SEZ6L: variants seen among roughly 807,000 people sequenced by gnomAD.
The protein encoded by SEZ6L is seizure related 6 homolog like.
SEZ6L carries 37 observed loss-of-function variants against 106.2 expected under a neutral mutation model. The observed-to-expected ratio is 0.35, with a 90% CI of 0.27 to 0.46. The LOEUF is 0.46. SEZ6L is among the 20% of genes least tolerant of loss of function. The pLI is 1.00. For synonymous variants in SEZ6L, 541 were observed against 570.4 expected (o/e 0.95, Z 0.73); for missense variants, 1,172 against 1,332.8 (o/e 0.88, Z 1.88).
At chr22:26,297,114 G>C in intron 4 of SEZ6L, 34 bp downstream of exon 4, 2 of 1,494,096 alleles carry the variant, frequency 1.3e-6, no homozygotes, top group Non-Finnish European at 1.8e-6. Context: ...AAACATAGGC[G>C]TTTGCCTCAG....
In SEZ6L at chr22:26,299,167, C is replaced by T. The variant is rs1569452328; in HGVS notation, c.1346C>T (p.Ser449Leu). 2 of 1,505,994 alleles carry T rather than the reference C, an allele frequency of 1.3e-6. No homozygotes were observed. Among genetic ancestry groups the T allele is most frequent in the South Asian group, 1.3e-5 (1 of 74,950 alleles). 93.3% of individuals were successfully genotyped at this position (1,505,994 alleles called of 1,614,324 possible). ...PHWSSQEPIC[S>L]APCGGAVHNA... ...TGGAGCAGCCAGGAGCCCATCTGCT[C>T]AGGTATGCTCCAGCCTCAGCCGGAC... Residue 449 changes from serine (S) to leucine (L), a missense_variant and splice_region_variant, in exon 5 of 17, where the codon TCA becomes TTA. Physicochemically the swap from Ser to Leu is moderately radical, Grantham distance 145. Transcript: ENST00000248933.
intron 9 of SEZ6L, among the ~76,000 whole-genome samples, chr22:26,315,188 AG>A (rs2081962622): frequency 6.6e-6 from 1 of 152,240 alleles, no homozygotes; most frequent in African/African-American, 2.4e-5. Context: ...AGACACAGCA[AG>A]TGTCCTTAGT....
intron 10 of SEZ6L, among the ~76,000 whole-genome samples, chr22:26,342,062 C>T (rs1280587031): frequency 6.6e-6 from 1 of 152,212 alleles, no homozygotes; most frequent in African/African-American, 2.4e-5. Context: ...GCTTCCTCAT[C>T]CCTAGCTCCA....
intron 1 of SEZ6L, among the ~76,000 whole-genome samples, chr22:26,235,575 A>G (rs2078932608): frequency 6.6e-6 from 1 of 152,148 alleles, no homozygotes; most frequent in African/African-American, 2.4e-5. Context: ...ATATGGACAC[A>G]TTCCAGGAAG....
rs780374529 is a variant in SEZ6L, at chr22:26,306,069, T to C, written c.1439T>C (p.Ile480Thr). 13 of 1,613,656 alleles carry C rather than the reference T, an allele frequency of 8.1e-6. No homozygotes were observed. The Admixed American group carries it at 2.0e-4, about 25-fold the overall frequency. The change falls in exon 6 of 17, where the codon ATC becomes ACC. Residue 480 changes from isoleucine (I) to threonine (T), a missense_variant. Coordinates refer to ENST00000248933, the MANE Select transcript of SEZ6L (RefSeq NM_021115.5). ...PENTNGSQFC[I>T]WTIEAPEGQK... ...AACACAAATGGGAGCCAATTCTGCA[T>C]CTGGACGATTGAAGCTCCAGAGGGC...
chr22:26,277,105 C>CTTTT (rs137189), intron 1 of SEZ6L, among the ~76,000 whole-genome samples: 2 of 143,394 alleles, frequency 1.4e-5, no homozygotes. Flanking sequence ...AACACTGAGT[C>CTTTT]TTTTTTTTTT....
intron 12 of SEZ6L, among the ~76,000 whole-genome samples, chr22:26,352,510 C>T (rs185830499): frequency 2.6e-5 from 4 of 152,298 alleles, no homozygotes; most frequent in Admixed American, 2.6e-4. Flanking sequence ...ACACTGTGTA[C>T]AATTTATAGA....
chr22:26,282,337 A>C (rs1035180165), intron 1 of SEZ6L, among the ~76,000 whole-genome samples: 2 of 152,246 alleles, frequency 1.3e-5, no homozygotes, highest in African/African-American at 4.8e-5. Flanking sequence ...AACACTTTGC[A>C]ACACCCTAGT....
At chr22:26,370,462 C>T (rs964843202) in intron 13 of SEZ6L, among the ~76,000 whole-genome samples, 1 of 152,140 alleles carries the variant, frequency 6.6e-6, no homozygotes, top group South Asian at 2.1e-4. Context: ...GTGTTTGTAT[C>T]TGCCACGGTA....
At chr22:26,220,092 A>G in intron 1 of SEZ6L, among the ~76,000 whole-genome samples, 1 of 152,150 alleles carries the variant, frequency 6.6e-6, no homozygotes, top group East Asian at 1.9e-4. Context: ...CAGATGTGGG[A>G]GTCTGATAGC....
At chr22:26,311,194 C>G (rs79631268) in intron 7 of SEZ6L, among the ~76,000 whole-genome samples, 2,444 of 152,254 alleles carry the variant, frequency 0.016, 61 homozygotes, top group African/African-American at 0.056. Flanking sequence ...CACCAGTGAA[C>G]AAGGGTGGAG....
At chr22:26,320,286 C>T (rs1313241404) in intron 9 of SEZ6L, among the ~76,000 whole-genome samples, 3 of 151,908 alleles carry the variant, frequency 2.0e-5, no homozygotes, top group East Asian at 3.9e-4. Flanking sequence ...ATCATTCTCC[C>T]GGGTGTTCTG....
chr22:26,364,686 C>A (rs1028975259), intron 12 of SEZ6L: 2 of 152,446 alleles, frequency 1.3e-5, no homozygotes, highest in African/African-American at 4.8e-5. Flanking sequence ...AGGCCCTGAG[C>A]TTCAGGCTTG....
At chr22:26,270,099 A>G (rs1030055050) in intron 1 of SEZ6L, among the ~76,000 whole-genome samples, 4 of 152,196 alleles carry the variant, frequency 2.6e-5, no homozygotes, top group East Asian at 1.9e-4. Flanking sequence ...CATGTTGACA[A>G]TTTCATTCTT....
rs766389597 is a variant in SEZ6L, at chr22:26,306,092, G to A, written c.1462G>A (p.Gly488Ser). 8.1e-6 allele frequency: 13 copies of A among 1,613,996 alleles called. No homozygotes were observed. In the African/African-American group the frequency reaches 1.6e-4, roughly 20 times the overall value. Residue 488 changes from glycine to serine, a missense_variant, in exon 6 of 17, where the codon GGC becomes AGC. By Grantham distance (56) the Gly-to-Ser change is moderately conservative. This residue lies in a region of SEZ6L where 534 missense variants were observed against 691.0 expected (regional missense o/e 0.77). Coordinates refer to ENST00000248933, the MANE Select transcript of SEZ6L (RefSeq NM_021115.5). ...CATCTGGACGATTGAAGCTCCAGAG[G>A]GCCAGAAGCTGCACCTGCACTTTGA... ...FCIWTIEAPEGQKLHLHFERL... is the reference protein window; with the variant it reads ...FCIWTIEAPESQKLHLHFERL...
chr22:26,240,314 G>T (rs886494429), intron 1 of SEZ6L, among the ~76,000 whole-genome samples: 1 of 151,850 alleles, frequency 6.6e-6, no homozygotes, highest in Admixed American at 6.6e-5. Context: ...CATCAGGTAC[G>T]TCCCACATTC....
chr22:26,320,476 C>G (rs2082124562), intron 9 of SEZ6L, among the ~76,000 whole-genome samples: 1 of 152,206 alleles, frequency 6.6e-6, no homozygotes, highest in South Asian at 2.1e-4. Context: ...AATTCAGTCC[C>G]AGTTTTAATC....
intron 11 of SEZ6L, 71 bp downstream of exon 11, chr22:26,347,984 G>A: frequency 7.9e-7 from 1 of 1,268,414 alleles, no homozygotes; most frequent in Non-Finnish European, 1.1e-6. Flanking sequence ...TTTTTTTGGT[G>A]GGTGCAGTGG....
At chr22:26,352,801 C>T (rs1289343013) in intron 12 of SEZ6L, among the ~76,000 whole-genome samples, 1 of 152,170 alleles carries the variant, frequency 6.6e-6, no homozygotes, top group Admixed American at 6.5e-5. Flanking sequence ...TGTTGCCTGT[C>T]GTTGAAGACA....
Sources: allele counts gnomAD v4.1 joint callset (sites outside exome capture counted in the v4.1 genomes callset), GRCh38; gene constraint gnomAD v4.1.1; regional missense constraint gnomAD v4.1.1; transcripts MANE v1.5; gene names NCBI Gene and HGNC (gene_info 2026-07-23, HGNC 2026-07-21).